The following CAMTA1 variants were observed in gnomAD, a reference collection of about 807,000 sequenced individuals.
The protein encoded by CAMTA1 is calmodulin-binding transcription activator 1.
CAMTA1 carries 27 observed loss-of-function variants against 170.9 expected under a neutral mutation model. That is an observed-to-expected ratio of 0.16 (90% CI 0.12 to 0.22). The LOEUF is 0.22. Among genes scored for constraint, CAMTA1 ranks in the 10% least tolerant of loss-of-function variants. The pLI is 1.00. For missense variants in CAMTA1, 1,619 were observed against 2,217.2 expected, an observed-to-expected ratio of 0.73 and a Z score of 5.42; for synonymous variants, 833 against 891.5, an observed-to-expected ratio of 0.93 and a Z score of 1.17.
chr1:7,059,171 A>G (rs1707833563), intron 3 of CAMTA1, among the ~76,000 whole-genome samples: 1 of 152,130 alleles, frequency 6.6e-6, no homozygotes, highest in African/African-American at 2.4e-5. Context: ...AGATGTTTCT[A>G]TCTCTCTAGA....
intron 3 of CAMTA1, among the ~76,000 whole-genome samples, chr1:7,016,586 C>T (rs1700563454): frequency 6.6e-6 from 1 of 152,220 alleles, no homozygotes; most frequent in South Asian, 2.1e-4. Flanking sequence ...GTAATCCCAG[C>T]ACTTGGGGAA....
At chr1:7,189,466 G>A (rs1031196917) in intron 4 of CAMTA1, among the ~76,000 whole-genome samples, 2 of 152,168 alleles carry the variant, frequency 1.3e-5, no homozygotes, top group Admixed American at 6.5e-5. Context: ...CAGAAAGTAG[G>A]CTAAGGACAT....
In CAMTA1 at chr1:7,758,113, A is replaced by G. The variant is rs79928969; in HGVS notation, c.4989+2445A>G. ...TGCCCTAGTGTTCAGTTCAACTACA[A>G]CTTGTAGTATCATGCATGTTATATG... On this transcript the variant is annotated intron_variant, in intron 22 of 22. Coordinates refer to ENST00000303635, the MANE Select transcript of CAMTA1 (RefSeq NM_015215.4). Among the ~76,000 whole-genome samples, 918 of 152,310 alleles carry G rather than the reference A, an allele frequency of 6.0e-3. 9 individuals carry two copies. Among genetic ancestry groups the G allele is most frequent in the African/African-American group, 0.021 (879 of 41,568 alleles).
intron 21 of CAMTA1, among the ~76,000 whole-genome samples, chr1:7,755,270 T>G (rs1449039241): frequency 3.0e-5 from 4 of 133,838 alleles, no homozygotes; most frequent in African/African-American, 1.2e-4. Flanking sequence ...GAGGCTGCAG[T>G]GAGCCAAGAT....
At chr1:7,362,396 T>G (rs1028557942) in intron 5 of CAMTA1, among the ~76,000 whole-genome samples, 1 of 151,488 alleles carries the variant, frequency 6.6e-6, no homozygotes, top group Non-Finnish European at 1.5e-5. Context: ...TTGGGTACAG[T>G]TAGTAGACTT....
chr1:7,471,029 G>T (rs1296483318), intron 6 of CAMTA1, among the ~76,000 whole-genome samples: 1 of 152,216 alleles, frequency 6.6e-6, no homozygotes, highest in East Asian at 1.9e-4. Context: ...CCACCCCGGG[G>T]CGGGAATGAG....
rs2096895145 is a variant in CAMTA1, at chr1:7,751,191, C to T, written c.4690-8C>T. The T allele has an allele frequency of 6.4e-7, 1 of 1,564,762 alleles. No homozygotes were observed. Among genetic ancestry groups the T allele is most frequent in the African/African-American group, 1.4e-5 (1 of 72,866 alleles). On this transcript the variant is annotated splice_region_variant and splice_polypyrimidine_tract_variant and intron_variant, in intron 19 of 22. Coordinates refer to ENST00000303635, the MANE Select transcript of CAMTA1 (RefSeq NM_015215.4). Reference sequence around the variant, plus strand: ...TTACTGTGTCGCTTGTTCTTGTTTCCCCTGCAGTACGCACTTTATAAAAAG... The same window carrying T: ...TTACTGTGTCGCTTGTTCTTGTTTCTCCTGCAGTACGCACTTTATAAAAAG...
chr1:6,876,126 G>C (rs1669752656), intron 3 of CAMTA1, among the ~76,000 whole-genome samples: 1 of 152,112 alleles, frequency 6.6e-6, no homozygotes, highest in Non-Finnish European at 1.5e-5. Context: ...ATGAAGTAGA[G>C]GGCCCTGCTT....
intron 19 of CAMTA1, among the ~76,000 whole-genome samples, chr1:7,749,239 C>G (rs1474497895): frequency 6.6e-6 from 1 of 152,110 alleles, no homozygotes; most frequent in African/African-American, 2.4e-5. Flanking sequence ...TTGTCATAAT[C>G]CAGGACTTGC....
intron 4 of CAMTA1, among the ~76,000 whole-genome samples, chr1:7,174,345 G>A (rs1020096166): frequency 1.1e-4 from 17 of 152,042 alleles, no homozygotes; most frequent in Middle Eastern, 3.2e-3. Flanking sequence ...AAGCGTTCAC[G>A]AAAAAAGGTT....
At chr1:7,254,875 G>A (rs544918106) in intron 5 of CAMTA1, among the ~76,000 whole-genome samples, 8 of 152,302 alleles carry the variant, frequency 5.3e-5, no homozygotes, top group Non-Finnish European at 1.0e-4. Context: ...CCCAAATCAA[G>A]TTTGAAAAAC....
intron 6 of CAMTA1, among the ~76,000 whole-genome samples, chr1:7,469,557 G>A (rs1002808892): frequency 1.3e-5 from 2 of 152,080 alleles, no homozygotes; most frequent in South Asian, 2.1e-4. Flanking sequence ...TTTCCTTTTC[G>A]GTTTCATGCC....
intron 6 of CAMTA1, among the ~76,000 whole-genome samples, chr1:7,509,927 A>T (rs2094177783): frequency 6.6e-6 from 1 of 151,676 alleles, no homozygotes; most frequent in Non-Finnish European, 1.5e-5. Context: ...CAGCCCAGCG[A>T]CCAAGGGGGA....
intron 5 of CAMTA1, among the ~76,000 whole-genome samples, chr1:7,256,859 C>T (rs1280719737): frequency 1.3e-5 from 2 of 151,288 alleles, no homozygotes; most frequent in Non-Finnish European, 1.5e-5. Flanking sequence ...TGGTGTCTGG[C>T]GAGGGCCTGT....
At chr1:7,240,745 A>G (rs1274788150) in intron 4 of CAMTA1, among the ~76,000 whole-genome samples, 3 of 152,074 alleles carry the variant, frequency 2.0e-5, no homozygotes, top group Non-Finnish European at 2.9e-5. Flanking sequence ...AGCTCAAGCA[A>G]TCTGCCCTCC....
intron 5 of CAMTA1, among the ~76,000 whole-genome samples, chr1:7,436,344 G>C (rs1315131459): frequency 6.6e-6 from 1 of 152,202 alleles, no homozygotes; most frequent in African/African-American, 2.4e-5. Flanking sequence ...ATTGTTCAGG[G>C]AGGGGGCCTG....
chr1:7,338,019 A>ACATATATACATATACGTG (rs1557543552), intron 5 of CAMTA1, among the ~76,000 whole-genome samples: 3 of 144,418 alleles, frequency 2.1e-5, no homozygotes, highest in African/African-American at 8.3e-5. Context: ...TAACATATAT[A>ACATATATACATATACGTG]CATATATACA....
At chr1:7,546,373 T>C (rs1206416067) in intron 6 of CAMTA1, among the ~76,000 whole-genome samples, 1 of 152,270 alleles carries the variant, frequency 6.6e-6, no homozygotes, top group African/African-American at 2.4e-5. Flanking sequence ...ATGGTGTATA[T>C]GTACCACATT....
chr1:7,512,449 G>A (rs2094214534), intron 6 of CAMTA1, among the ~76,000 whole-genome samples: 1 of 152,358 alleles, frequency 6.6e-6, no homozygotes, highest in Admixed American at 6.5e-5. Context: ...GTAACAAACA[G>A]TCTGGGAATC....
Sources: gnomAD v4.1 joint callset for allele counts (sites outside exome capture counted in the v4.1 genomes callset) on GRCh38, gnomAD v4.1.1 for gene constraint, MANE v1.5 for transcripts, NCBI Gene and HGNC (gene_info 2026-07-23, HGNC 2026-07-21) for gene names.